Variants in WSCD2 observed in about 807,000 individuals in gnomAD.
WSCD2 encodes WSC domain sialate O sulfotransferase 2.
In WSCD2, 28 loss-of-function variants were observed where a neutral mutation model predicts 55.7. The ratio of observed to expected loss-of-function variants is 0.50; its 90% CI spans 0.37 to 0.69. The LOEUF is 0.69. Ranked by LOEUF, WSCD2 falls within the 30% of genes least tolerant of loss-of-function variation. The pLI is 0.00. For missense variants in WSCD2, 616 were observed against 762.1 expected, an observed-to-expected ratio of 0.81 and a Z score of 2.26; for synonymous variants, 301 against 301.9, an observed-to-expected ratio of 1.00 and a Z score of 0.03.
intron 8 of WSCD2, chr12:108,244,606 T>G (rs1323765091): frequency 7.1e-6 from 5 of 702,172 alleles, no homozygotes; most frequent in Admixed American, 2.0e-5. Flanking sequence ...GATCACCACT[T>G]TGCAGATGGG....
intron 1 of WSCD2, among the ~76,000 whole-genome samples, chr12:108,174,502 G>C (rs554933091): frequency 6.6e-6 from 1 of 152,302 alleles, no homozygotes; most frequent in African/African-American, 2.4e-5. Flanking sequence ...GCCAGAGTCT[G>C]ATGTCATTGC....
At position 108,129,516 on chromosome 12, in the gene WSCD2, C is replaced by G. The variant is rs1270076885; in HGVS notation, c.-962C>G. 2 of 151,516 alleles carry G rather than the reference C, an allele frequency of 1.3e-5. No homozygotes were observed. The highest frequency in any genetic ancestry group is 2.4e-5 in the African/African-American group (1 of 41,376). The allele number at this position is 151,516 out of a possible 1,614,324, so 9.4% of individuals were successfully genotyped here. On this transcript the variant is annotated 5_prime_UTR_variant, in exon 1 of 9. Coordinates refer to ENST00000547525, the MANE Select transcript of WSCD2 (RefSeq NM_014653.4). ...CGCGGGGCCTCGCCGCGGCTCGGGGCACCCGCAGTGCCGCCCGCCCGAGCG... is the reference window on the plus strand; with the variant it reads ...CGCGGGGCCTCGCCGCGGCTCGGGGGACCCGCAGTGCCGCCCGCCCGAGCG...
chr12:108,159,266 G>GT (rs1177060174), intron 1 of WSCD2, among the ~76,000 whole-genome samples: 1 of 152,154 alleles, frequency 6.6e-6, no homozygotes, highest in Non-Finnish European at 1.5e-5. Context: ...CACAGCTCTG[G>GT]TGATGATGCT....
In WSCD2 at chr12:108,160,737, T is replaced by C. The variant is rs146043217; in HGVS notation, c.-552+30811T>C. ...ATGTCAGATATGATATATGATGTGA[T>C]AGATAATACAGCACAATATACTGTA... On this transcript the variant is annotated intron_variant, in intron 1 of 8. Coordinates refer to ENST00000547525, the MANE Select transcript of WSCD2 (RefSeq NM_014653.4). Among the ~76,000 whole-genome samples, 349 of 152,288 alleles carry C rather than the reference T, an allele frequency of 2.3e-3. 1 individual carries two copies. The highest frequency in any genetic ancestry group is 7.2e-3 in the African/African-American group (301 of 41,554).
chr12:108,181,593 C>A (rs907684260), intron 1 of WSCD2, among the ~76,000 whole-genome samples: 4 of 152,088 alleles, frequency 2.6e-5, no homozygotes, highest in African/African-American at 7.2e-5. Context: ...AGGTGACATG[C>A]GATTGTTAAG....
chr12:108,211,951 C>A (rs886830953), intron 4 of WSCD2, among the ~76,000 whole-genome samples: 1 of 151,930 alleles, frequency 6.6e-6, no homozygotes, highest in Non-Finnish European at 1.5e-5. Context: ...GCATAAGCCA[C>A]CACACCCAGC....
At chr12:108,174,032 T>C (rs2136977159) in intron 1 of WSCD2, among the ~76,000 whole-genome samples, 1 of 152,232 alleles carries the variant, frequency 6.6e-6, no homozygotes, top group South Asian at 2.1e-4. Context: ...CAGCGTCATC[T>C]CACTTGGTCT....
At chr12:108,168,235 GC>G (rs1296551521) in intron 1 of WSCD2, among the ~76,000 whole-genome samples, 1 of 152,216 alleles carries the variant, frequency 6.6e-6, no homozygotes, top group African/African-American at 2.4e-5. Flanking sequence ...AGACAGTAGG[GC>G]TCGTGAGGTC....
At position 108,245,257 on chromosome 12, in the gene WSCD2, CT is replaced by C. The variant is rs550436722; in HGVS notation, c.1346-2730del. Among the ~76,000 whole-genome samples the C allele has an allele frequency of 1.9e-4, 29 of 152,318 alleles. No homozygotes were observed. In the South Asian group the frequency reaches 6.0e-3, roughly 32 times the overall value. On this transcript the variant is annotated intron_variant, in intron 8 of 8. Coordinates refer to ENST00000547525, the MANE Select transcript of WSCD2 (RefSeq NM_014653.4). Reference sequence around the variant, plus strand: ...CAAGTTGCTCCTGCTTCTGAGACTCCTTTTCCCTGTGTCTAAAATGGAGCCA... The same window carrying C: ...CAAGTTGCTCCTGCTTCTGAGACTCCTTTCCCTGTGTCTAAAATGGAGCCA...
At position 108,248,138 on chromosome 12, in the gene WSCD2, T is replaced by C; in HGVS notation, c.1493T>C (p.Leu498Pro). The C allele has an allele frequency of 6.2e-7, 1 of 1,614,224 alleles. No homozygotes were observed. Among genetic ancestry groups the C allele is most frequent in the East Asian group, 2.2e-5 (1 of 44,878 alleles). Residue 498 changes from leucine to proline, a missense_variant, in exon 9 of 9, where the codon CTG becomes CCG. By Grantham distance (98) the Leu-to-Pro change is moderately conservative. This residue lies in a region of WSCD2 where 234 missense variants were observed against 264.6 expected (regional missense o/e 0.88). Transcript: ENST00000547525. This position sits in a 1 kb window ranked among gnomAD's most constrained non-coding sequence, Gnocchi z 4.3. ...FVQLGRMVSL[L>P]GVAVREDRLL... ...CAGCTGGGCCGGATGGTCAGCCTGC[T>C]GGGCGTGGCTGTCAGGGAGGACCGG...
chr12:108,200,505 A>G (rs117901950), intron 2 of WSCD2, among the ~76,000 whole-genome samples: 1 of 152,046 alleles, frequency 6.6e-6, no homozygotes, highest in South Asian at 2.1e-4. Flanking sequence ...TCATTCATTC[A>G]TTCTGTATTT....
At chr12:108,176,167 AT>A (rs1284487407) in intron 1 of WSCD2, among the ~76,000 whole-genome samples, 2 of 152,190 alleles carry the variant, frequency 1.3e-5, no homozygotes, top group Admixed American at 1.3e-4. Context: ...AATGTTTTGT[AT>A]TGAGTATCGT....
intron 4 of WSCD2, among the ~76,000 whole-genome samples, chr12:108,212,775 G>C (rs908429930): frequency 6.6e-6 from 1 of 152,120 alleles, no homozygotes; most frequent in Non-Finnish European, 1.5e-5. Flanking sequence ...ACAATTATTT[G>C]GGTGGTGCTT....
chr12:108,177,283 G>A (rs1352184177), intron 1 of WSCD2, among the ~76,000 whole-genome samples: 1 of 152,114 alleles, frequency 6.6e-6, no homozygotes, highest in Non-Finnish European at 1.5e-5. Context: ...ACTGGTGTGC[G>A]AGTTAGATGA....
intron 7 of WSCD2, among the ~76,000 whole-genome samples, chr12:108,234,728 T>C (rs913922196): frequency 2.6e-5 from 4 of 152,332 alleles, no homozygotes; most frequent in Non-Finnish European, 5.9e-5. Flanking sequence ...AAGGATGCCA[T>C]GGCTGGCCCA....
At chr12:108,243,132 T>A (rs994376095) in intron 8 of WSCD2, among the ~76,000 whole-genome samples, 1 of 152,250 alleles carries the variant, frequency 6.6e-6, no homozygotes, top group Non-Finnish European at 1.5e-5. Context: ...AGGTCCTGAA[T>A]CAGTGGCATC....
At chr12:108,166,533 C>T (rs1392411819) in intron 1 of WSCD2, among the ~76,000 whole-genome samples, 1 of 152,178 alleles carries the variant, frequency 6.6e-6, no homozygotes, top group African/African-American at 2.4e-5. Flanking sequence ...GAAATTCACA[C>T]ACTTTGTCAT....
chr12:108,174,870 G>T (rs1018937758), intron 1 of WSCD2, among the ~76,000 whole-genome samples: 2 of 152,188 alleles, frequency 1.3e-5, no homozygotes, highest in Non-Finnish European at 2.9e-5. Flanking sequence ...CGATCCTCCT[G>T]CTTCGGCCTC....
chr12:108,192,487 C>T (rs546457536), intron 1 of WSCD2, among the ~76,000 whole-genome samples: 4 of 152,314 alleles, frequency 2.6e-5, no homozygotes, highest in African/African-American at 9.6e-5. Context: ...TTTCTCATCC[C>T]ATCCCAGCTG....
Sources: gnomAD v4.1 joint callset for allele counts (sites outside exome capture counted in the v4.1 genomes callset) on GRCh38, gnomAD v4.1.1 for gene constraint, gnomAD v4.1.1 regional missense constraint, Gnocchi (gnomAD v3.1) non-coding constraint, MANE v1.5 for transcripts, NCBI Gene and HGNC (gene_info 2026-07-23, HGNC 2026-07-21) for gene names.